The following CPSF3 variants were observed in gnomAD, a reference collection of about 807,000 sequenced individuals.
CPSF3 encodes cleavage and polyadenylation specificity factor subunit 3.
Under a neutral mutation model 84.1 loss-of-function variants are expected in CPSF3, and 57 were observed. The ratio of observed to expected loss-of-function variants is 0.68; its 90% CI spans 0.55 to 0.85. CPSF3 has a LOEUF of 0.85. Among genes scored for constraint, CPSF3 ranks in the 40% least tolerant of loss-of-function variants. CPSF3 has a pLI of 0.00. For synonymous variants in CPSF3, 275 were observed against 278.1 expected, an observed-to-expected ratio of 0.99 and a Z score of 0.11; for missense variants, 522 against 838.8, an observed-to-expected ratio of 0.62 and a Z score of 4.66.
At chr2:9,428,723 A>AT (rs757805833) in intron 1 of CPSF3, 42 bp from the exon 2 acceptor site, 75 of 1,437,806 alleles carry the variant, frequency 5.2e-5, no homozygotes, top group South Asian at 3.2e-4. Flanking sequence ...CTTGGTTTTG[A>AT]TTTTTTTTAA....
At chr2:9,471,225 G>GA in intron 16 of CPSF3, 118 bp from the exon 17 acceptor site, 1 of 596,278 alleles carries the variant, frequency 1.7e-6, no homozygotes, top group Non-Finnish European at 3.0e-6. Flanking sequence ...AAAAAAAAAA[G>GA]AAAAAAAGTA....
chr2:9,445,354 ACCTGTG>A (rs1377089958), intron 10 of CPSF3, among the ~76,000 whole-genome samples: 1 of 152,088 alleles, frequency 6.6e-6, no homozygotes, highest in African/African-American at 2.4e-5. Flanking sequence ...TTATCCATTC[ACCTGTG>A]GGTGGACACT....
intron 3 of CPSF3, among the ~76,000 whole-genome samples, chr2:9,430,321 G>A (rs767749553): frequency 1.3e-5 from 2 of 152,158 alleles, no homozygotes; most frequent in Non-Finnish European, 2.9e-5. Flanking sequence ...TCTCCTTGAG[G>A]TCACTGTTTT....
chr2:9,448,348 A>G lies in CPSF3; in HGVS notation c.1393A>G (p.Lys465Glu). The G allele has an allele frequency of 6.2e-7, 1 of 1,610,092 alleles. No homozygotes were observed. Among genetic ancestry groups the G allele is most frequent in the Non-Finnish European group, 8.5e-7 (1 of 1,177,984 alleles). ...AAACTTCAGAGGAGAAAAACTAGCC[A>G]AGGTAAAAGGTTATGGTTCCTGTCT... ...TLNFRGEKLA[K>E]VMGFLADKKP... Residue 465 changes from lysine (K) to glutamate (E), a missense_variant and splice_region_variant, in exon 11 of 18, where the codon AAG becomes GAG. Lys to Glu is a moderately conservative substitution (Grantham distance 56). Transcript: ENST00000238112.
chr2:9,448,591 T>C (rs1036248048), intron 11 of CPSF3, among the ~76,000 whole-genome samples: 6 of 152,212 alleles, frequency 3.9e-5, no homozygotes, highest in Non-Finnish European at 8.8e-5. Flanking sequence ...GGAGTCTCGC[T>C]CTGTCACCAG....
At chr2:9,458,324 C>G (rs894530953) in intron 14 of CPSF3, among the ~76,000 whole-genome samples, 1 of 151,998 alleles carries the variant, frequency 6.6e-6, no homozygotes, top group Non-Finnish European at 1.5e-5. Flanking sequence ...GAATCACTTG[C>G]ATCTGGGAAA....
At chr2:9,469,891 T>C (rs1682104630) in intron 16 of CPSF3, among the ~76,000 whole-genome samples, 1 of 152,356 alleles carries the variant, frequency 6.6e-6, no homozygotes, top group East Asian at 1.9e-4. Flanking sequence ...TTTTTTCCTA[T>C]CCTTTTGAAT....
intron 6 of CPSF3, among the ~76,000 whole-genome samples, 187 bp from the exon 7 acceptor site, chr2:9,436,024 C>G (rs937656314): frequency 5.3e-5 from 8 of 152,202 alleles, no homozygotes; most frequent in Admixed American, 2.0e-4. Context: ...TGAGCCACCA[C>G]GCTGGGCCTG....
chr2:9,463,722 T>C (rs1194798850), intron 15 of CPSF3, among the ~76,000 whole-genome samples: 3 of 152,208 alleles, frequency 2.0e-5, no homozygotes, highest in Non-Finnish European at 4.4e-5. Flanking sequence ...CTTGGGATTT[T>C]CACATTTAGA....
intron 15 of CPSF3, among the ~76,000 whole-genome samples, chr2:9,465,028 A>G (rs1681854952): frequency 6.6e-6 from 1 of 152,216 alleles, no homozygotes; most frequent in South Asian, 2.1e-4. Context: ...TGTATATACA[A>G]TTGAAATTCA....
At chr2:9,426,456 C>G (rs1680396236) in intron 1 of CPSF3, among the ~76,000 whole-genome samples, 1 of 152,038 alleles carries the variant, frequency 6.6e-6, no homozygotes, top group African/African-American at 2.4e-5. Flanking sequence ...GGGAGAGATC[C>G]TAGTAGAGAT....
At chr2:9,464,289 T>G (rs1168635302) in intron 15 of CPSF3, among the ~76,000 whole-genome samples, 1 of 152,206 alleles carries the variant, frequency 6.6e-6, no homozygotes, top group Non-Finnish European at 1.5e-5. Flanking sequence ...TATAGTTCTG[T>G]GTTTAATATG....
chr2:9,464,972 C>T (rs138974322), intron 15 of CPSF3, among the ~76,000 whole-genome samples: 2 of 152,206 alleles, frequency 1.3e-5, no homozygotes, highest in East Asian at 3.9e-4. Context: ...AGCAGTCTTC[C>T]CTTCTCAGCC....
Position 9,448,424 on chromosome 2 carries a change from G to A in CPSF3, c.1395+74G>A, listed in dbSNP as rs936497757. The A allele has an allele frequency of 5.0e-6, 6 of 1,201,210 alleles. No homozygotes were observed. The African/African-American group carries it at 6.1e-5, about 12-fold the overall frequency. The allele number at this position is 1,201,210 out of a possible 1,614,324, so 74.4% of individuals were successfully genotyped here. A position where few individuals can be genotyped will look rare whatever the true frequency, so the allele number is the denominator to read the frequency against. The stretch of plus-strand genomic sequence containing the variant: ...AAAGACTGTACTTCTTAAGAAAATA[G>A]ATCTTTAGTCAAAAGAATATGCTTA... On this transcript the variant is annotated intron_variant, in intron 11 of 17. Transcript: ENST00000238112.
Position 9,465,199 on chromosome 2 carries a change from CAT to C in CPSF3, c.1787-2506_1787-2505del, listed in dbSNP as rs1681859498. Among the ~76,000 whole-genome samples the C allele has an allele frequency of 3.3e-5, 5 of 152,194 alleles. No homozygotes were observed. The South Asian group carries it at 1.0e-3, about 32-fold the overall frequency. On this transcript the variant is annotated intron_variant, in intron 15 of 17. Coordinates refer to ENST00000238112, the MANE Select transcript of CPSF3 (RefSeq NM_016207.4). ...TACATGATACAATATTTTAAAAAGTCATAGTGTTACATGAGAAAGTAATTACT... is the reference window on the plus strand; with the variant it reads ...TACATGATACAATATTTTAAAAAGTCAGTGTTACATGAGAAAGTAATTACT...
chr2:9,430,055 C>T (rs780231601), intron 3 of CPSF3, 35 bp downstream of exon 3: 19 of 1,189,984 alleles, frequency 1.6e-5, no homozygotes, highest in East Asian at 7.8e-5. Context: ...CACTTTTTCA[C>T]GGACTTTTAC....
chr2:9,450,360 G>A (rs1467241052), intron 11 of CPSF3, among the ~76,000 whole-genome samples: 1 of 151,770 alleles, frequency 6.6e-6, no homozygotes, highest in African/African-American at 2.4e-5. Flanking sequence ...TCACCACATT[G>A]GCCAGGCTGG....
intron 2 of CPSF3, among the ~76,000 whole-genome samples, chr2:9,429,665 AC>A (rs1161855793): frequency 1.3e-5 from 2 of 152,326 alleles, no homozygotes; most frequent in East Asian, 3.9e-4. Context: ...TAGAATGACG[AC>A]CAAAAGTAGC....
intron 7 of CPSF3, among the ~76,000 whole-genome samples, chr2:9,437,233 G>A (rs1005729124): frequency 1.2e-4 from 18 of 151,994 alleles, no homozygotes; most frequent in Admixed American, 3.9e-4. Flanking sequence ...GTGAAACCTC[G>A]TCTCTACCAA....
Sources: gnomAD v4.1 joint callset for allele counts (sites outside exome capture counted in the v4.1 genomes callset) on GRCh38, gnomAD v4.1.1 for gene constraint, MANE v1.5 for transcripts, NCBI Gene and HGNC (gene_info 2026-07-23, HGNC 2026-07-21) for gene names.